Variants in RPS6KC1 observed in about 807,000 individuals in gnomAD.
RPS6KC1 encodes inactive ribosomal protein S6 kinase delta-1.
RPS6KC1 carries 54 observed loss-of-function variants against 103.8 expected under a neutral mutation model. That is an observed-to-expected ratio of 0.52 (90% CI 0.42 to 0.65). The LOEUF is 0.65. Among genes scored for constraint, RPS6KC1 ranks in the 30% least tolerant of loss-of-function variants. The pLI is 0.00. For synonymous variants in RPS6KC1, 439 were observed against 438.7 expected (o/e 1.00, Z -0.01); for missense variants, 1,151 against 1,253.8 (o/e 0.92, Z 1.24).
chr1:213,722,893 T>C, the RPS6KC1 span, among the ~76,000 whole-genome samples: 1 of 152,150 alleles, frequency 6.6e-6, no homozygotes, highest in Non-Finnish European at 1.5e-5. Flanking sequence ...TAAGGGAGTA[T>C]TCTGGCCGGG....
chr1:213,156,573 C>T (rs2089910580), intron 6 of RPS6KC1, among the ~76,000 whole-genome samples: 1 of 152,020 alleles, frequency 6.6e-6, no homozygotes, highest in Non-Finnish European at 1.5e-5. Context: ...AAAGGGAAAA[C>T]CTTGAGATTA....
intron 6 of RPS6KC1, among the ~76,000 whole-genome samples, chr1:213,131,449 GT>G (rs11364597): frequency 0.72 from 106,806 of 147,732 alleles, 39,065 homozygotes; most frequent in African/African-American, 0.86. Flanking sequence ...ATAATGTTAG[GT>G]TTTTTTTTTT....
intron 3 of RPS6KC1, among the ~76,000 whole-genome samples, chr1:213,089,143 A>G (rs1488041439): frequency 1.3e-5 from 2 of 152,226 alleles, no homozygotes; most frequent in Non-Finnish European, 2.9e-5. Context: ...TGTGAAAGCA[A>G]TTGAGGGATG....
At chr1:213,761,804 A>G in the RPS6KC1 span, among the ~76,000 whole-genome samples, 1 of 152,150 alleles carries the variant, frequency 6.6e-6, no homozygotes, top group Admixed American at 6.6e-5. Flanking sequence ...ACCCCTGGGG[A>G]CACCCAGTGG....
At chr1:213,412,748 C>T in the RPS6KC1 span, among the ~76,000 whole-genome samples, 4 of 152,326 alleles carry the variant, frequency 2.6e-5, no homozygotes, top group South Asian at 8.3e-4. Flanking sequence ...GCAGTGGCTG[C>T]GTCCTCAGCT....
chr1:213,481,281 C>G, the RPS6KC1 span, among the ~76,000 whole-genome samples: 2 of 152,110 alleles, frequency 1.3e-5, no homozygotes, highest in African/African-American at 4.8e-5. Flanking sequence ...TTAAATGTCC[C>G]ATGAAAAGAC....
the RPS6KC1 span, among the ~76,000 whole-genome samples, chr1:213,854,562 TTCTCTCTCTCTCTC>T: frequency 1.2e-4 from 15 of 122,516 alleles, no homozygotes; most frequent in East Asian, 2.5e-4. Flanking sequence ...CTTTCTTTCT[TTCTCTCTCTCTCTC>T]TCTTTCTTTC....
At chr1:213,254,393 G>T (rs1184479462) in intron 12 of RPS6KC1, among the ~76,000 whole-genome samples, 2 of 152,120 alleles carry the variant, frequency 1.3e-5, no homozygotes, top group Non-Finnish European at 2.9e-5. Flanking sequence ...TTACCACCAG[G>T]TAATTAATCT....
the RPS6KC1 span, among the ~76,000 whole-genome samples, chr1:213,612,283 G>C: frequency 6.6e-6 from 1 of 152,208 alleles, no homozygotes; most frequent in Non-Finnish European, 1.5e-5. Flanking sequence ...AGTCTGCAGG[G>C]TTCAATTAGA....
At chr1:213,723,096 C>T in the RPS6KC1 span, among the ~76,000 whole-genome samples, 1 of 152,152 alleles carries the variant, frequency 6.6e-6, no homozygotes. Context: ...AGGAGAATTG[C>T]TTGAACCTGG....
intron 13 of RPS6KC1, among the ~76,000 whole-genome samples, chr1:213,262,129 CT>C (rs2094811192): frequency 6.6e-6 from 1 of 152,072 alleles, no homozygotes; most frequent in Admixed American, 6.5e-5. Flanking sequence ...AGATGAATGA[CT>C]TTTGAATATG....
At chr1:213,625,643 T>C in the RPS6KC1 span, among the ~76,000 whole-genome samples, 1 of 152,212 alleles carries the variant, frequency 6.6e-6, no homozygotes, top group Admixed American at 6.5e-5. Flanking sequence ...TGTGTTCTCA[T>C]TGTTCAATTC....
chr1:213,831,875 C>T, the RPS6KC1 span, among the ~76,000 whole-genome samples: 11 of 152,288 alleles, frequency 7.2e-5, no homozygotes, highest in East Asian at 2.1e-3. Context: ...TGAGCCAAGA[C>T]AGTGTCAGCC....
chr1:213,448,392 C>T, the RPS6KC1 span, among the ~76,000 whole-genome samples: 676 of 152,070 alleles, frequency 4.4e-3, 5 homozygotes, highest in African/African-American at 0.016. Flanking sequence ...GTGTGTTTTT[C>T]GAAACCCCCG....
chr1:213,226,160 T>G (rs2093957214), intron 8 of RPS6KC1, among the ~76,000 whole-genome samples: 1 of 151,500 alleles, frequency 6.6e-6, no homozygotes, highest in Non-Finnish European at 1.5e-5. Flanking sequence ...GAGGCAGAGC[T>G]TGAAGTGAGC....
At chr1:213,544,882 T>A in the RPS6KC1 span, among the ~76,000 whole-genome samples, 1 of 152,250 alleles carries the variant, frequency 6.6e-6, no homozygotes, top group East Asian at 1.9e-4. Flanking sequence ...GGAAGAGCAG[T>A]GGAGCAAAGT....
At chr1:213,549,859 A>T in the RPS6KC1 span, among the ~76,000 whole-genome samples, 1 of 152,056 alleles carries the variant, frequency 6.6e-6, no homozygotes, top group South Asian at 2.1e-4. Context: ...ATCCAAGAAA[A>T]TACTAAAATA....
chr1:213,454,765 C>T, the RPS6KC1 span, among the ~76,000 whole-genome samples: 71 of 152,270 alleles, frequency 4.7e-4, no homozygotes, highest in African/African-American at 1.6e-3. Context: ...TCCAGCTGAT[C>T]GAGATGGGTG....
chr1:213,430,296 C>T, the RPS6KC1 span, among the ~76,000 whole-genome samples: 9 of 152,150 alleles, frequency 5.9e-5, no homozygotes, highest in African/African-American at 1.4e-4. Context: ...CAGAATTGCA[C>T]GGTGGGACAG....
Sources: allele counts gnomAD v4.1 joint callset (sites outside exome capture counted in the v4.1 genomes callset), GRCh38; gene constraint gnomAD v4.1.1; transcripts MANE v1.5; gene names NCBI Gene and HGNC (gene_info 2026-07-23, HGNC 2026-07-21).